PBX1: variants seen among roughly 807,000 people sequenced by gnomAD.
The protein encoded by PBX1 is pre-B-cell leukemia transcription factor 1.
Under a neutral mutation model 53.4 loss-of-function variants are expected in PBX1, and 6 were observed. That is an observed-to-expected ratio of 0.11 (90% CI 0.06 to 0.22). The LOEUF is 0.22. PBX1 is among the 10% of genes least tolerant of loss of function. The pLI is 1.00. For synonymous variants in PBX1, 204 were observed against 212.3 expected, an observed-to-expected ratio of 0.96 and a Z score of 0.34; for missense variants, 251 against 551.4, an observed-to-expected ratio of 0.46 and a Z score of 5.46.
chr1:164,743,250 T>C (rs1469533731), intron 2 of PBX1, among the ~76,000 whole-genome samples: 1 of 152,194 alleles, frequency 6.6e-6, no homozygotes, highest in Non-Finnish European at 1.5e-5. Context: ...TATTGGCCTG[T>C]TTTGTTCATC....
At chr1:164,663,424 C>T (rs902990613) in intron 2 of PBX1, among the ~76,000 whole-genome samples, 1 of 152,062 alleles carries the variant, frequency 6.6e-6, no homozygotes, top group Non-Finnish European at 1.5e-5. Flanking sequence ...CCCTATGGTA[C>T]AACATGATGT....
At chr1:164,588,448 A>G (rs989946384) in intron 2 of PBX1, among the ~76,000 whole-genome samples, 10 of 150,726 alleles carry the variant, frequency 6.6e-5, no homozygotes, top group African/African-American at 2.4e-4. Flanking sequence ...GAAAAAGAGA[A>G]AAGAGAAATA....
At chr1:164,702,499 T>G (rs1449549066) in intron 2 of PBX1, among the ~76,000 whole-genome samples, 8 of 152,200 alleles carry the variant, frequency 5.3e-5, no homozygotes, top group Non-Finnish European at 1.2e-4. Context: ...CATTTTGAGT[T>G]GACCAAGGTG....
chr1:164,598,856 C>T (rs141173404), intron 2 of PBX1, among the ~76,000 whole-genome samples: 195 of 152,146 alleles, frequency 1.3e-3, no homozygotes, highest in African/African-American at 4.5e-3. Flanking sequence ...TAAAACTACC[C>T]GGAGGTAGGA....
intron 2 of PBX1, among the ~76,000 whole-genome samples, chr1:164,715,285 G>C (rs1326268052): frequency 6.6e-6 from 1 of 152,220 alleles, no homozygotes; most frequent in Non-Finnish European, 1.5e-5. Flanking sequence ...GAAAAATGAT[G>C]ATGATGTCTT....
chr1:164,738,061 G>T (rs187177777), intron 2 of PBX1, among the ~76,000 whole-genome samples: 1 of 152,156 alleles, frequency 6.6e-6, no homozygotes, highest in East Asian at 1.9e-4. Context: ...GCTTTGAGAT[G>T]TATCTACATT....
In PBX1 at chr1:164,807,687, A is replaced by T. The variant is rs1419824550; in HGVS notation, c.837+10A>T. The T allele has an allele frequency of 1.9e-6, 3 of 1,613,712 alleles. No homozygotes were observed. The highest frequency in any genetic ancestry group is 4.5e-5 in the East Asian group (2 of 44,864). On this transcript the variant is annotated intron_variant, in intron 5 of 8. Transcript: ENST00000420696. The stretch of plus-strand genomic sequence containing the variant: ...CATCACAGTCTCCCAGGTAAGCAGC[A>T]CCTCAAAAGCCTCAGCCTGTAGCCT...
intron 2 of PBX1, among the ~76,000 whole-genome samples, chr1:164,783,039 G>A: frequency 6.6e-6 from 1 of 152,184 alleles, no homozygotes; most frequent in East Asian, 1.9e-4. Flanking sequence ...CTGACACAAG[G>A]TGAGATTACT....
In PBX1 at chr1:164,751,581, C is replaced by CTTT. The variant is rs1231289371; in HGVS notation, c.266-40897_266-40895dup. 1.6e-3 allele frequency among the ~76,000 whole-genome samples: 221 copies of CTTT among 137,992 alleles called. 2 individuals carry two copies. Among genetic ancestry groups the CTTT allele is most frequent in the African/African-American group, 5.5e-3 (202 of 36,990 alleles). 90.5% of individuals were successfully genotyped at this position (137,992 alleles called of 152,430 possible). On this transcript the variant is annotated intron_variant, in intron 2 of 8. Transcript: ENST00000420696. ...CAAATGTAATGGGTTTATTGCCCCCCTTTTTTTTTTTTTTTTTTGAGACAA... is the reference window on the plus strand; with the variant it reads ...CAAATGTAATGGGTTTATTGCCCCCCTTTTTTTTTTTTTTTTTTTTTGAGACAA...
intron 2 of PBX1, among the ~76,000 whole-genome samples, chr1:164,628,435 A>G (rs1658191706): frequency 6.6e-6 from 1 of 152,140 alleles, no homozygotes; most frequent in Non-Finnish European, 1.5e-5. Context: ...CAACTGTGAA[A>G]TAATAAATTA....
chr1:164,745,524 G>A (rs1007773233), intron 2 of PBX1, among the ~76,000 whole-genome samples: 2 of 152,132 alleles, frequency 1.3e-5, no homozygotes, highest in Admixed American at 6.5e-5. Flanking sequence ...ACTTGTCAAC[G>A]CAGGAACTGT....
intron 2 of PBX1, among the ~76,000 whole-genome samples, chr1:164,862,685 A>G (rs1366756687): frequency 6.6e-6 from 1 of 152,094 alleles, no homozygotes; most frequent in African/African-American, 2.4e-5. Context: ...AATGTGTCAT[A>G]GTATAGGGCT....
rs143411340 is a variant in PBX1 at position 164,585,043 on chromosome 1, A to G, written c.265+21732A>G. ...TAATAATAGTAATAAAATAAATAAA[A>G]CCAGGAAGCTAAAAATGGAAATTAA... On this transcript the variant is annotated intron_variant, in intron 2 of 8. Transcript: ENST00000420696. Among the ~76,000 whole-genome samples the G allele has an allele frequency of 3.9e-3, 587 of 152,298 alleles. 4 individuals carry two copies. The highest frequency in any genetic ancestry group is 0.013 in the African/African-American group (558 of 41,554).
At chr1:164,757,404 A>C (rs1666586521) in intron 2 of PBX1, among the ~76,000 whole-genome samples, 1 of 152,330 alleles carries the variant, frequency 6.6e-6, no homozygotes, top group East Asian at 1.9e-4. Context: ...AGTCGTATCT[A>C]TTCAACTCAC....
At chr1:164,736,468 C>T (rs531936925) in intron 2 of PBX1, among the ~76,000 whole-genome samples, 6 of 152,240 alleles carry the variant, frequency 3.9e-5, no homozygotes, top group African/African-American at 7.2e-5. Flanking sequence ...TCTCATTCCA[C>T]GCTCTCTCGT....
intron 2 of PBX1, among the ~76,000 whole-genome samples, chr1:164,754,053 T>C (rs1475893118): frequency 6.6e-6 from 1 of 152,086 alleles, no homozygotes; most frequent in Non-Finnish European, 1.5e-5. Flanking sequence ...TGGGAAGATG[T>C]TTATGTATCT....
At chr1:164,688,388 CTTT>C (rs1662254019) in intron 2 of PBX1, among the ~76,000 whole-genome samples, 1 of 152,170 alleles carries the variant, frequency 6.6e-6, no homozygotes, top group Admixed American at 6.5e-5. Flanking sequence ...TGCTGAAGAA[CTTT>C]TAATAAAGTT....
chr1:164,815,537 T>A (rs1260634804), intron 6 of PBX1: 1 of 152,244 alleles, frequency 6.6e-6, no homozygotes, highest in East Asian at 1.9e-4. Context: ...TGAGACTGGG[T>A]AATTTCTAAA....
chr1:164,571,997 C>T (rs1424662729), intron 2 of PBX1, among the ~76,000 whole-genome samples: 10 of 146,304 alleles, frequency 6.8e-5, no homozygotes, highest in Admixed American at 3.5e-4. Flanking sequence ...ATCTCTGCTT[C>T]CCAGGTTCAA....
Sources: allele counts gnomAD v4.1 joint callset (sites outside exome capture counted in the v4.1 genomes callset), GRCh38; gene constraint gnomAD v4.1.1; transcripts MANE v1.5; gene names NCBI Gene and HGNC (gene_info 2026-07-23, HGNC 2026-07-21).